The following BRWD3 variants were observed in gnomAD, a reference collection of about 807,000 sequenced individuals.
The protein encoded by BRWD3 is bromodomain and WD repeat domain containing 3.
In BRWD3, 10 loss-of-function variants were observed where a neutral mutation model predicts 149.7. The ratio of observed to expected loss-of-function variants is 0.07; its 90% CI spans 0.04 to 0.11. The LOEUF (loss-of-function observed/expected upper bound fraction) is 0.11. Among genes scored for constraint, BRWD3 ranks in the 10% least tolerant of loss-of-function variants. BRWD3 has a pLI of 1.00. For missense variants in BRWD3, 940 were observed against 1,373.2 expected, an observed-to-expected ratio of 0.68 and a Z score of 4.99; for synonymous variants, 504 against 456.7, an observed-to-expected ratio of 1.10 and a Z score of -1.32.
At chrX:80,692,266 G>T in intron 28 of BRWD3, 116 bp from the exon 29 acceptor site, 1 of 619,858 alleles carries the variant, frequency 1.6e-6, no homozygotes. Flanking sequence ...CAATACAGTT[G>T]TCTTGAAAGT....
At chrX:80,681,212 G>A (rs1488620532) in intron 40 of BRWD3, 129 bp downstream of exon 40, 2 of 653,124 alleles carry the variant, frequency 3.1e-6, no homozygotes, top group African/African-American at 2.2e-5. Flanking sequence ...TGACTCATAT[G>A]TGACAGAATT....
intron 14 of BRWD3, among the ~76,000 whole-genome samples, chrX:80,725,770 TG>T (rs2073212464): frequency 9.2e-6 from 1 of 108,382 alleles, no homozygotes; most frequent in Non-Finnish European, 1.9e-5. Context: ...TGTTTACATG[TG>T]TTACATGCCT....
At chrX:80,687,738 C>T (rs1053755931) in intron 34 of BRWD3, among the ~76,000 whole-genome samples, 1 of 110,231 alleles carries the variant, frequency 9.1e-6, no homozygotes, top group Non-Finnish European at 1.9e-5. Flanking sequence ...CCTACATAAC[C>T]AGCCCCTAGT....
At chrX:80,726,050 T>C (rs1481895601) in intron 14 of BRWD3, among the ~76,000 whole-genome samples, 1 of 72,815 alleles carries the variant, frequency 1.4e-5, no homozygotes, top group Non-Finnish European at 2.6e-5. Context: ...ACATGTTATG[T>C]CTATATAACA....
At position 80,672,982 on chromosome X, in the gene BRWD3, A is replaced by C. The variant is rs1244218790; in HGVS notation, c.*3627T>G. The stretch of plus-strand genomic sequence containing the variant: ...AATTCCCCATTACCACAAACATACA[A>C]ATTTTTGAAAAATGCTCAAAAAAGT... On this transcript the variant is annotated 3_prime_UTR_variant, in exon 41 of 41. Transcript: ENST00000373275. 1 of 112,272 alleles carries C rather than the reference A, an allele frequency of 8.9e-6. No homozygotes were observed. Among genetic ancestry groups the C allele is most frequent in the Non-Finnish European group, 1.9e-5 (1 of 53,227 alleles). 9.3% of individuals were successfully genotyped at this position (112,272 alleles called of 1,213,427 possible).
At chrX:80,751,458 T>C (rs1232123025) in intron 6 of BRWD3, among the ~76,000 whole-genome samples, 1 of 111,635 alleles carries the variant, frequency 9.0e-6, no homozygotes, top group Non-Finnish European at 1.9e-5. Context: ...GGAAAATAAA[T>C]AACTACCAGA....
At chrX:80,684,269 C>CAATGTG in intron 36 of BRWD3, 107 bp from the exon 37 acceptor site, 1 of 717,842 alleles carries the variant, frequency 1.4e-6, no homozygotes, top group Non-Finnish European at 2.1e-6. Context: ...AAACACATTG[C>CAATGTG]TTTTCAATGT....
intron 35 of BRWD3, among the ~76,000 whole-genome samples, chrX:80,686,253 C>T (rs976168246): frequency 4.8e-5 from 3 of 62,910 alleles, no homozygotes; most frequent in African/African-American, 6.7e-5. Flanking sequence ...CATCACACAC[C>T]GGAGCCTGTT....
At chrX:80,712,381 T>G (rs1453842531) in intron 20 of BRWD3, among the ~76,000 whole-genome samples, 3 of 109,876 alleles carry the variant, frequency 2.7e-5, no homozygotes, top group African/African-American at 6.6e-5. Context: ...CAGCTCCTAA[T>G]CGCGAGTGAT....
At chrX:80,764,801 G>C (rs2073841323) in intron 6 of BRWD3, among the ~76,000 whole-genome samples, 1 of 111,184 alleles carries the variant, frequency 9.0e-6, no homozygotes. Context: ...TAGAATACAT[G>C]AAAAACTCTT....
chrX:80,730,389 AAAAGAAAGAAAGAAAGAAAG>A (rs56311451), intron 12 of BRWD3, among the ~76,000 whole-genome samples: 39 of 77,671 alleles, frequency 5.0e-4, no homozygotes, highest in East Asian at 1.2e-3. Flanking sequence ...ATTATTTAGC[AAAAGAAAGAAAGAAAGAAAG>A]AAAGAAAGAA....
chrX:80,721,080 A>C (rs2073144070), intron 17 of BRWD3, among the ~76,000 whole-genome samples: 1 of 112,314 alleles, frequency 8.9e-6, no homozygotes, highest in Non-Finnish European at 1.9e-5. Flanking sequence ...TCTTTCAACT[A>C]TTACTGTCTT....
rs1175352687 is a variant in BRWD3, at chrX:80,674,853, A to G, written c.*1756T>C. On this transcript the variant is annotated 3_prime_UTR_variant, in exon 41 of 41. Coordinates refer to ENST00000373275, the MANE Select transcript of BRWD3 (RefSeq NM_153252.5). Reference sequence around the variant, plus strand: ...AATAACCCTACTGCCGACCCTACCAAAAAAGCAAAGTTTTATGTGTGTACG... The same window carrying G: ...AATAACCCTACTGCCGACCCTACCAGAAAAGCAAAGTTTTATGTGTGTACG... 8.9e-6 allele frequency: 1 copy of G among 111,906 alleles called. No homozygotes were observed. The highest frequency in any genetic ancestry group is 1.9e-5 in the Non-Finnish European group (1 of 53,053). The allele number at this position is 111,906 out of a possible 1,213,427, so 9.2% of individuals were successfully genotyped here. A position where few individuals can be genotyped will look rare whatever the true frequency, so the allele number is the denominator to read the frequency against.
chrX:80,710,366 C>T (rs1237246701), intron 20 of BRWD3: 3 of 334,634 alleles, frequency 9.0e-6, no homozygotes, highest in South Asian at 6.8e-5. Context: ...TGGTCATCTG[C>T]TGACTATTTT....
chrX:80,701,471 C>T (rs1207149483), intron 24 of BRWD3, among the ~76,000 whole-genome samples: 2 of 95,171 alleles, frequency 2.1e-5, no homozygotes, highest in South Asian at 5.3e-4. Flanking sequence ...TCGCTTTGAA[C>T]CCAGGAGGTA....
chrX:80,801,214 C>CTTTTTTT (rs763933804), intron 4 of BRWD3, among the ~76,000 whole-genome samples: 14 of 57,374 alleles, frequency 2.4e-4, no homozygotes, highest in Non-Finnish European at 3.0e-4. Flanking sequence ...GAGAAAACAT[C>CTTTTTTT]TTTTTTTTTT....
intron 6 of BRWD3, among the ~76,000 whole-genome samples, chrX:80,774,705 G>C (rs966221737): frequency 1.3e-4 from 15 of 111,253 alleles, no homozygotes; most frequent in Non-Finnish European, 2.1e-4. Context: ...GGGACTAACA[G>C]ATTATTTTTT....
intron 38 of BRWD3, 88 bp from the exon 39 acceptor site, chrX:80,682,182 A>C: frequency 2.5e-6 from 2 of 789,082 alleles, no homozygotes; most frequent in Non-Finnish European, 1.9e-6. Context: ...AGAGGTATCA[A>C]GGTCAGGTAT....
chrX:80,688,426 T>A lies in BRWD3; in HGVS notation c.3808-301A>T, dbSNP rs751907411. 4.5e-5 allele frequency among the ~76,000 whole-genome samples: 5 copies of A among 111,780 alleles called. No individual in the cohort carries two copies. The South Asian group carries it at 1.5e-3, about 33-fold the overall frequency. ...ATTGTATCTAAGTGTTAGTATTTTT[T>A]AAAAACCTTATTCTATATGACATGC... On this transcript the variant is annotated intron_variant, in intron 33 of 40. Transcript: ENST00000373275.
Sources: allele counts gnomAD v4.1 joint callset (sites outside exome capture counted in the v4.1 genomes callset), GRCh38; gene constraint gnomAD v4.1.1; transcripts MANE v1.5; gene names NCBI Gene and HGNC (gene_info 2026-07-23, HGNC 2026-07-21).